Variants in RICTOR observed in about 807,000 individuals in gnomAD.
RICTOR encodes RPTOR independent companion of MTOR complex 2.
RICTOR carries 49 observed loss-of-function variants against 214.9 expected under a neutral mutation model. The observed-to-expected ratio is 0.23, with a 90% CI of 0.18 to 0.29. RICTOR has a LOEUF of 0.29. RICTOR is among the 10% of genes least tolerant of loss of function. The pLI, the probability that RICTOR is intolerant of heterozygous loss-of-function variation, is 1.00. For synonymous variants in RICTOR, 717 were observed against 711.3 expected, an observed-to-expected ratio of 1.01 and a Z score of -0.13; for missense variants, 1,625 against 2,047.0, an observed-to-expected ratio of 0.79 and a Z score of 3.98.
intron 9 of RICTOR, among the ~76,000 whole-genome samples, chr5:38,976,768 A>T (rs1751264848): frequency 6.6e-6 from 1 of 152,220 alleles, no homozygotes; most frequent in African/African-American, 2.4e-5. Context: ...CTTAGAAGAA[A>T]GTACAGAACC....
intron 7 of RICTOR, among the ~76,000 whole-genome samples, chr5:38,990,504 G>GATATATACACGATATATATACA (rs1752515821): frequency 2.0e-5 from 3 of 148,054 alleles, no homozygotes; most frequent in African/African-American, 7.5e-5. Flanking sequence ...ACATATATAC[G>GATATATACACGATATATATACA]ATATATACAC....
rs577075013 is a variant in RICTOR at position 39,032,036 on chromosome 5, T to C, written c.98-10900A>G. 2.6e-5 allele frequency among the ~76,000 whole-genome samples: 4 copies of C among 152,310 alleles called. No individual in the cohort carries two copies. In the South Asian group the frequency reaches 8.3e-4, roughly 32 times the overall value. On this transcript the variant is annotated intron_variant, in intron 2 of 37. Coordinates refer to ENST00000357387, the MANE Select transcript of RICTOR (RefSeq NM_152756.5). ...CAATTATTAATTTCAAAAAGTTATA[T>C]AATTTAGTAGAGAAAGGCTGTATCC... is the stretch of plus-strand genomic sequence containing the variant.
rs1451102310 is a variant in RICTOR, at chr5:38,940,752, C to T, written c.*1552G>A. 1 of 232,256 alleles carries T rather than the reference C, an allele frequency of 4.3e-6. No homozygotes were observed. The highest frequency in any genetic ancestry group is 5.6e-5 in the Admixed American group (1 of 17,748). 14.4% of individuals were successfully genotyped at this position (232,256 alleles called of 1,614,324 possible). ...AATGCTTCATCCCAACTGGAACTTT[C>T]AGTTCCAGTAAATAAATTTTTTAAA... is the stretch of plus-strand genomic sequence containing the variant. On this transcript the variant is annotated 3_prime_UTR_variant, in exon 38 of 38. Coordinates refer to ENST00000357387, the MANE Select transcript of RICTOR (RefSeq NM_152756.5).
chr5:38,989,304 G>C (rs573906796), intron 7 of RICTOR, among the ~76,000 whole-genome samples: 7 of 152,174 alleles, frequency 4.6e-5, no homozygotes, highest in Non-Finnish European at 1.0e-4. Context: ...AGGAAAACTG[G>C]CTAGCCGTAT....
chr5:39,014,800 G>A (rs953953701), intron 3 of RICTOR, among the ~76,000 whole-genome samples: 8 of 152,130 alleles, frequency 5.3e-5, no homozygotes, highest in African/African-American at 1.7e-4. Context: ...CACTAGCTCC[G>A]TTTCTTTATA....
At chr5:38,949,227 T>C (rs901343930) in intron 31 of RICTOR, 8 of 531,446 alleles carry the variant, frequency 1.5e-5, no homozygotes, top group Non-Finnish European at 2.2e-5. Flanking sequence ...AGTATTTCAT[T>C]TAGTGTTTAT....
chr5:39,010,807 T>C (rs570501489), intron 3 of RICTOR, among the ~76,000 whole-genome samples: 11 of 152,286 alleles, frequency 7.2e-5, no homozygotes, highest in South Asian at 4.1e-4. Flanking sequence ...AGAGGTGACT[T>C]GGGTGCTCTT....
chr5:38,996,703 T>A (rs1753201394), intron 6 of RICTOR, 116 bp downstream of exon 6: 1 of 581,220 alleles, frequency 1.7e-6, no homozygotes, highest in Middle Eastern at 4.5e-4. Context: ...ATAAAAATGT[T>A]TAATAAAAGT....
In RICTOR at chr5:38,955,694, G is replaced by C. The variant is rs2043112; in HGVS notation, c.2510C>G (p.Ser837Cys). 2 of 1,569,964 alleles carry C rather than the reference G, an allele frequency of 1.3e-6. No individual in the cohort carries two copies. Among genetic ancestry groups the C allele is most frequent in the Non-Finnish European group, 1.8e-6 (2 of 1,140,194 alleles). Residue 837 changes from serine (S) to cysteine (C), a missense_variant, in exon 26 of 38, where the codon TCC becomes TGC. Physicochemically the swap from Ser to Cys is moderately radical, Grantham distance 112 (BLOSUM62 -1). Transcript: ENST00000357387. Reference protein sequence around the residue: ...QLEKWHREYNSKYVDLIEEQL... With the variant: ...QLEKWHREYNCKYVDLIEEQL... ...TTCCTCAATCAAGTCAACATATTTG[G>C]AGTTGTATTCCTAGAGGATAATATT...
At chr5:39,000,904 GAATA>G (rs2150101702) in intron 5 of RICTOR, among the ~76,000 whole-genome samples, 1 of 152,006 alleles carries the variant, frequency 6.6e-6, no homozygotes, top group Non-Finnish European at 1.5e-5. Context: ...AGAATAAACT[GAATA>G]AATATGTTCA....
At chr5:38,948,094 T>C (rs1748395843) in intron 31 of RICTOR, among the ~76,000 whole-genome samples, 1 of 152,114 alleles carries the variant, frequency 6.6e-6, no homozygotes, top group Non-Finnish European at 1.5e-5. Flanking sequence ...TTCCATAAGA[T>C]ACATGTTTCT....
At chr5:39,016,938 T>C (rs1168334478) in intron 3 of RICTOR, among the ~76,000 whole-genome samples, 2 of 152,246 alleles carry the variant, frequency 1.3e-5, no homozygotes, top group African/African-American at 4.8e-5. Context: ...CATCAAATGA[T>C]GTTTTAGATA....
intron 2 of RICTOR, among the ~76,000 whole-genome samples, chr5:39,029,081 G>A (rs974050823): frequency 6.6e-6 from 1 of 151,930 alleles, no homozygotes; most frequent in Non-Finnish European, 1.5e-5. Flanking sequence ...AGTGATTGCT[G>A]GAAGATAAAG....
chr5:38,943,133 A>C, intron 36 of RICTOR, 162 bp from the exon 37 acceptor site: 1 of 478,102 alleles, frequency 2.1e-6, no homozygotes, highest in Non-Finnish European at 3.7e-6. Context: ...TATTCCTGTC[A>C]CACACTTAGA....
chr5:39,073,742 G>A (rs1759499447), intron 2 of RICTOR, among the ~76,000 whole-genome samples: 1 of 152,140 alleles, frequency 6.6e-6, no homozygotes, highest in Non-Finnish European at 1.5e-5. Flanking sequence ...CTAAATAACA[G>A]CCTCTACCTC....
intron 24 of RICTOR, 38 bp downstream of exon 24, chr5:38,958,405 A>C (rs372272095): frequency 2.9e-6 from 4 of 1,371,314 alleles, no homozygotes; most frequent in Non-Finnish European, 4.2e-6. Flanking sequence ...CAAAGAACAC[A>C]ACAAAAAAAC....
At chr5:38,999,797 T>A (rs1753476458) in intron 5 of RICTOR, among the ~76,000 whole-genome samples, 1 of 151,632 alleles carries the variant, frequency 6.6e-6, no homozygotes, top group Non-Finnish European at 1.5e-5. Flanking sequence ...CCACTAGACA[T>A]AAATAGTCTA....
intron 30 of RICTOR, among the ~76,000 whole-genome samples, chr5:38,951,254 T>C (rs1006876111): frequency 1.3e-5 from 2 of 151,996 alleles, no homozygotes; most frequent in South Asian, 2.1e-4. Flanking sequence ...TTAAATTTAG[T>C]GCCCAATTCT....
rs58642460 is a variant in RICTOR at position 38,990,688 on chromosome 5, T to G, written c.583+261A>C. Among the ~76,000 whole-genome samples, 4 of 74,506 alleles carry G rather than the reference T, an allele frequency of 5.4e-5. No individual in the cohort carries two copies. The South Asian group carries it at 1.2e-3, about 22-fold the overall frequency. The allele number at this position is 74,506 out of a possible 152,430, so 48.9% of individuals were successfully genotyped here. On this transcript the variant is annotated intron_variant, in intron 7 of 37. Coordinates refer to ENST00000357387, the MANE Select transcript of RICTOR (RefSeq NM_152756.5). ...TCAGATATATATCAGATATATCATA[T>G]ATATGATATATATCAGATATGATAT...
Sources: allele counts gnomAD v4.1 joint callset (sites outside exome capture counted in the v4.1 genomes callset), GRCh38; gene constraint gnomAD v4.1.1; transcripts MANE v1.5; gene names NCBI Gene and HGNC (gene_info 2026-07-23, HGNC 2026-07-21).